HPSE2: variants seen among roughly 807,000 people sequenced by gnomAD.
HPSE2 encodes inactive heparanase-2.
In HPSE2, 38 loss-of-function variants were observed where a neutral mutation model predicts 60.5. The ratio of observed to expected loss-of-function variants is 0.63; its 90% CI spans 0.48 to 0.82. The LOEUF is 0.82. HPSE2 is among the 40% of genes least tolerant of loss of function. The pLI, the probability that HPSE2 is intolerant of heterozygous loss-of-function variation, is 0.00. For synonymous variants in HPSE2, 295 were observed against 293.2 expected (o/e 1.01, Z -0.06); for missense variants, 713 against 740.4 (o/e 0.96, Z 0.43).
At chr10:98,902,512 C>G (rs1470200269) in intron 3 of HPSE2, among the ~76,000 whole-genome samples, 1 of 152,088 alleles carries the variant, frequency 6.6e-6, no homozygotes, top group African/African-American at 2.4e-5. Flanking sequence ...AGCATCTAGG[C>G]TGATGCTCTG....
intron 3 of HPSE2, among the ~76,000 whole-genome samples, chr10:98,978,830 T>C (rs563149944): frequency 1.9e-4 from 29 of 152,338 alleles, no homozygotes; most frequent in African/African-American, 6.3e-4. Flanking sequence ...GTCTACTTGA[T>C]AAAATTTATT....
chr10:99,196,092 AAC>A (rs1848388521), intron 2 of HPSE2, among the ~76,000 whole-genome samples: 1 of 152,172 alleles, frequency 6.6e-6, no homozygotes, highest in African/African-American at 2.4e-5. Context: ...AGGTACAAAG[AAC>A]ACACACTGGG....
At chr10:99,004,243 C>G (rs1199446772) in intron 3 of HPSE2, among the ~76,000 whole-genome samples, 4 of 151,910 alleles carry the variant, frequency 2.6e-5, no homozygotes, top group Non-Finnish European at 4.4e-5. Context: ...TACTTACATT[C>G]AAGATAATTA....
chr10:98,935,776 C>T lies in HPSE2; in HGVS notation c.611-191720G>A, dbSNP rs370241707. On this transcript the variant is annotated intron_variant, in intron 3 of 11. Coordinates refer to ENST00000370552, the MANE Select transcript of HPSE2 (RefSeq NM_021828.5). ...AGAAGGCATGGGGTCAGGGACCCTCCTGAGGAGGCAGTCTGTCCCTTAGCA... is the reference window on the plus strand; with the variant it reads ...AGAAGGCATGGGGTCAGGGACCCTCTTGAGGAGGCAGTCTGTCCCTTAGCA... Among the ~76,000 whole-genome samples, 20 of 145,096 alleles carry T rather than the reference C, an allele frequency of 1.4e-4. 4 individuals carry two copies. The highest frequency in any genetic ancestry group is 5.3e-4 in the African/African-American group (19 of 36,182).
intron 2 of HPSE2, among the ~76,000 whole-genome samples, chr10:99,223,691 T>C (rs1453657646): frequency 2.0e-5 from 3 of 152,218 alleles, no homozygotes; most frequent in African/African-American, 7.2e-5. Context: ...TATTGGTTTT[T>C]GTATGTGTAA....
At chr10:98,865,643 C>A (rs887582518) in intron 3 of HPSE2, among the ~76,000 whole-genome samples, 1 of 152,028 alleles carries the variant, frequency 6.6e-6, no homozygotes, top group Non-Finnish European at 1.5e-5. Flanking sequence ...CCAGAAAGTT[C>A]TCAAATATGT....
chr10:99,006,088 C>G (rs1033474193), intron 3 of HPSE2, among the ~76,000 whole-genome samples: 3 of 152,154 alleles, frequency 2.0e-5, no homozygotes, highest in African/African-American at 7.2e-5. Flanking sequence ...TCCCTGAAGC[C>G]TGTATCCACA....
intron 3 of HPSE2, among the ~76,000 whole-genome samples, chr10:99,088,064 C>T (rs1843386328): frequency 6.6e-6 from 1 of 151,664 alleles, no homozygotes; most frequent in South Asian, 2.1e-4. Context: ...ACACAGTCAA[C>T]ATGCTCACGG....
intron 3 of HPSE2, among the ~76,000 whole-genome samples, chr10:98,906,658 C>G (rs1953825014): frequency 6.6e-6 from 1 of 152,162 alleles, no homozygotes. Context: ...GTAATCCCAG[C>G]ATTTTGGGAG....
intron 3 of HPSE2, among the ~76,000 whole-genome samples, chr10:98,896,620 C>T (rs1351377377): frequency 1.3e-5 from 2 of 151,832 alleles, no homozygotes; most frequent in African/African-American, 4.8e-5. Context: ...CTAAAGTAAG[C>T]AGAAGAAAAA....
chr10:99,200,595 A>G (rs891865489), intron 2 of HPSE2, among the ~76,000 whole-genome samples: 1 of 152,142 alleles, frequency 6.6e-6, no homozygotes, highest in African/African-American at 2.4e-5. Flanking sequence ...TTATATGATA[A>G]TTAAATAAAA....
chr10:98,640,264 T>G (rs939790540), intron 7 of HPSE2, among the ~76,000 whole-genome samples: 2 of 152,228 alleles, frequency 1.3e-5, no homozygotes, highest in Admixed American at 6.5e-5. Flanking sequence ...TCAGTGAATA[T>G]TTTTCACCAA....
At chr10:98,476,807 C>A (rs543538808) in intron 11 of HPSE2, among the ~76,000 whole-genome samples, 2 of 151,830 alleles carry the variant, frequency 1.3e-5, no homozygotes, top group African/African-American at 2.4e-5. Flanking sequence ...AGGGGCGGGA[C>A]GGTCTGAATT....
chr10:99,134,217 A>C (rs1217073150), intron 3 of HPSE2, among the ~76,000 whole-genome samples: 4 of 152,220 alleles, frequency 2.6e-5, no homozygotes, highest in Non-Finnish European at 5.9e-5. Flanking sequence ...ATATGGGACT[A>C]TGTGAAAAAG....
chr10:98,627,515 T>G (rs1946249073), intron 7 of HPSE2, among the ~76,000 whole-genome samples: 1 of 152,136 alleles, frequency 6.6e-6, no homozygotes, highest in Admixed American at 6.5e-5. Context: ...AATCTAAAAT[T>G]GAGGAACAGT....
chr10:99,101,119 A>G (rs1044585765), intron 3 of HPSE2, among the ~76,000 whole-genome samples: 3 of 152,216 alleles, frequency 2.0e-5, no homozygotes, highest in African/African-American at 7.2e-5. Context: ...TAATGACAGG[A>G]TAAAATTCAT....
At chr10:98,464,990 T>A (rs1022612116) in intron 11 of HPSE2, among the ~76,000 whole-genome samples, 1 of 152,232 alleles carries the variant, frequency 6.6e-6, no homozygotes, top group Non-Finnish European at 1.5e-5. Flanking sequence ...GAGCATAAGT[T>A]AATTTTGTGA....
chr10:99,103,113 GTGT>G (rs1334439635), intron 3 of HPSE2, among the ~76,000 whole-genome samples: 1 of 152,154 alleles, frequency 6.6e-6, no homozygotes, highest in East Asian at 1.9e-4. Context: ...AGTCAACATA[GTGT>G]TGGAAGTTCT....
At chr10:98,743,019 C>A (rs2134325228) in intron 4 of HPSE2, among the ~76,000 whole-genome samples, 1 of 129,164 alleles carries the variant, frequency 7.7e-6, no homozygotes, top group Non-Finnish European at 1.5e-5. Context: ...GTTGCCCAGG[C>A]TGGAGTGTAG....
Sources: allele counts gnomAD v4.1 joint callset (sites outside exome capture counted in the v4.1 genomes callset), GRCh38; gene constraint gnomAD v4.1.1; transcripts MANE v1.5; gene names NCBI Gene and HGNC (gene_info 2026-07-23, HGNC 2026-07-21).